The following CHKA variants were observed in gnomAD, a reference collection of about 807,000 sequenced individuals.
CHKA encodes the protein CHETK-alpha.
CHKA carries 34 observed loss-of-function variants against 60.1 expected under a neutral mutation model. The ratio of observed to expected loss-of-function variants is 0.57; its 90% CI spans 0.43 to 0.75. The LOEUF (loss-of-function observed/expected upper bound fraction) is 0.75, where lower values mean the gene tolerates loss of function less well. Ranked by LOEUF, CHKA falls within the 30% of genes least tolerant of loss-of-function variation. The pLI is 0.00. For missense variants in CHKA, 563 were observed against 561.3 expected (o/e 1.00, Z -0.03); for synonymous variants, 217 against 223.1 (o/e 0.97, Z 0.24).
intron 1 of CHKA, among the ~76,000 whole-genome samples, chr11:68,112,939 G>A (rs933013315): frequency 1.8e-4 from 28 of 151,612 alleles, no homozygotes; most frequent in Admixed American, 1.6e-3. Context: ...AAAATTAGCC[G>A]GGCGTGGTGG....
At chr11:68,110,372 A>G (rs1450099876) in intron 1 of CHKA, among the ~76,000 whole-genome samples, 1 of 152,198 alleles carries the variant, frequency 6.6e-6, no homozygotes, top group Non-Finnish European at 1.5e-5. Context: ...GTGAAAAAAA[A>G]TTTCTGGAAT....
chr11:68,075,652 T>TA (rs1236754289), intron 3 of CHKA, among the ~76,000 whole-genome samples: 1 of 152,152 alleles, frequency 6.6e-6, no homozygotes, highest in Non-Finnish European at 1.5e-5. Flanking sequence ...AAAGAGCTTT[T>TA]ACAGGCCAGG....
chr11:68,085,224 C>T (rs1857142659), intron 2 of CHKA, among the ~76,000 whole-genome samples: 2 of 151,892 alleles, frequency 1.3e-5, no homozygotes, highest in Non-Finnish European at 2.9e-5. Context: ...AGAGGTGAAA[C>T]TTTAAAAAAA....
chr11:68,060,391 ACT>A (rs1856191211), intron 11 of CHKA, among the ~76,000 whole-genome samples: 1 of 144,626 alleles, frequency 6.9e-6, no homozygotes, highest in Non-Finnish European at 1.5e-5. Context: ...CTCACTGCAA[ACT>A]CTGCCTCCCA....
At chr11:68,066,009 G>A in intron 8 of CHKA, 115 bp from the exon 9 acceptor site, 2 of 675,160 alleles carry the variant, frequency 3.0e-6, no homozygotes, top group Non-Finnish European at 5.1e-6. Context: ...GTTGCCATCT[G>A]GACTTGCTGA....
At chr11:68,089,710 T>C (rs1167938709) in intron 2 of CHKA, 1 of 152,232 alleles carries the variant, frequency 6.6e-6, no homozygotes, top group Non-Finnish European at 1.5e-5. Flanking sequence ...CTGGTGCTAC[T>C]TAACAAGCAT....
At chr11:68,113,081 CAAAAAA>C (rs71040587) in intron 1 of CHKA, among the ~76,000 whole-genome samples, 7 of 14,550 alleles carry the variant, frequency 4.8e-4, no homozygotes, top group South Asian at 6.3e-3. Flanking sequence ...GACTCCGTCT[CAAAAAA>C]AAAAAAAAAA....
chr11:68,079,185 C>T (rs928050470), intron 3 of CHKA, among the ~76,000 whole-genome samples: 1 of 152,164 alleles, frequency 6.6e-6, no homozygotes, highest in African/African-American at 2.4e-5. Context: ...CAGCTCACCT[C>T]AGCCTCCCAA....
rs1407336547 is a variant in CHKA, at chr11:68,093,056, G to A, written c.462+3963C>T. Reference sequence around the variant, plus strand: ...GGGGTCTCTCTCTGTCCCCCAGGCTGCAGTGCAGTGGCATGATCTTGGCTC... The same window carrying A: ...GGGGTCTCTCTCTGTCCCCCAGGCTACAGTGCAGTGGCATGATCTTGGCTC... On this transcript the variant is annotated intron_variant, in intron 2 of 11. Coordinates refer to ENST00000265689, the MANE Select transcript of CHKA (RefSeq NM_001277.3). Among the ~76,000 whole-genome samples the A allele has an allele frequency of 4.1e-5, 6 of 144,834 alleles. 1 individual carries two copies. In the Admixed American group the frequency reaches 4.3e-4, roughly 10 times the overall value.
chr11:68,088,389 G>C (rs1003638874), intron 2 of CHKA, among the ~76,000 whole-genome samples: 2 of 152,050 alleles, frequency 1.3e-5, no homozygotes, highest in Non-Finnish European at 2.9e-5. Flanking sequence ...TGTGGCTTCG[G>C]AGACCCTTAA....
At position 68,070,673 on chromosome 11, in the gene CHKA, G is replaced by T. The variant is rs772515945; in HGVS notation, c.764+51C>A. 5.1e-6 allele frequency: 8 copies of T among 1,581,558 alleles called. No individual in the cohort carries two copies. In the Admixed American group the frequency reaches 1.4e-4, roughly 27 times the overall value. ...ACAAATGCTCACTTATGGTACTTCT[G>T]GGAGCCACCACTGTAAAACTATGTT... is the stretch of plus-strand genomic sequence containing the variant. On this transcript the variant is annotated intron_variant, in intron 5 of 11. Coordinates refer to ENST00000265689, the MANE Select transcript of CHKA (RefSeq NM_001277.3).
At chr11:68,109,321 C>T (rs919768230) in intron 1 of CHKA, among the ~76,000 whole-genome samples, 5 of 152,022 alleles carry the variant, frequency 3.3e-5, no homozygotes, top group African/African-American at 1.2e-4. Flanking sequence ...GATCTCCTGA[C>T]CTCGTGATCC....
At chr11:68,096,455 G>C (rs911858420) in intron 2 of CHKA, among the ~76,000 whole-genome samples, 2 of 152,024 alleles carry the variant, frequency 1.3e-5, no homozygotes, top group Non-Finnish European at 2.9e-5. Flanking sequence ...CAGACAAGTT[G>C]GGATATCCTA....
chr11:68,118,332 T>C (rs1482865546), intron 1 of CHKA, among the ~76,000 whole-genome samples: 1 of 152,076 alleles, frequency 6.6e-6, no homozygotes, highest in Admixed American at 6.6e-5. Flanking sequence ...TCCCAGCTAC[T>C]TGAGAGGCTG....
intron 1 of CHKA, among the ~76,000 whole-genome samples, chr11:68,119,449 T>C (rs1278271526): frequency 2.0e-5 from 3 of 152,140 alleles, no homozygotes; most frequent in Admixed American, 1.3e-4. Context: ...TAAAAGAAAA[T>C]TGGCAGAAAA....
intron 2 of CHKA, among the ~76,000 whole-genome samples, chr11:68,089,200 C>G (rs1304020711): frequency 3.9e-5 from 6 of 152,188 alleles, no homozygotes; most frequent in African/African-American, 1.4e-4. Context: ...AGGACCTTCT[C>G]AAAATCTATG....
At chr11:68,075,351 G>A (rs1197290288) in intron 3 of CHKA, among the ~76,000 whole-genome samples, 1 of 151,858 alleles carries the variant, frequency 6.6e-6, no homozygotes, top group Non-Finnish European at 1.5e-5. Context: ...AGTCCAAAGA[G>A]CACCCTAGCA....
intron 2 of CHKA, among the ~76,000 whole-genome samples, chr11:68,096,439 T>A (rs1055096536): frequency 2.6e-5 from 4 of 152,038 alleles, no homozygotes; most frequent in African/African-American, 7.3e-5. Context: ...ATAATAATAA[T>A]AAACCCAGAC....
intron 11 of CHKA, among the ~76,000 whole-genome samples, chr11:68,056,149 T>C (rs1374031445): frequency 6.6e-6 from 1 of 152,256 alleles, no homozygotes; most frequent in Middle Eastern, 3.2e-3. Flanking sequence ...ATTTGTAGTA[T>C]TTCCTCCCAG....
Sources: allele counts gnomAD v4.1 joint callset (sites outside exome capture counted in the v4.1 genomes callset), GRCh38; gene constraint gnomAD v4.1.1; transcripts MANE v1.5; gene names NCBI Gene and HGNC (gene_info 2026-07-23, HGNC 2026-07-21).